Variants in LGALS9 observed in about 807,000 individuals in gnomAD.
The protein encoded by LGALS9 is galectin 9.
In LGALS9, 26 loss-of-function variants were observed where a neutral mutation model predicts 35.9. The observed-to-expected ratio is 0.72, with a 90% CI of 0.53 to 1.01. The LOEUF (loss-of-function observed/expected upper bound fraction) is 1.01, where lower values mean the gene tolerates loss of function less well. LGALS9 is among the 50% of genes least tolerant of loss of function. LGALS9 has a pLI of 0.00. For missense variants in LGALS9, 347 were observed against 445.8 expected, an observed-to-expected ratio of 0.78 and a Z score of 1.99; for synonymous variants, 149 against 172.2, an observed-to-expected ratio of 0.87 and a Z score of 1.06.
At chr17:27,646,722 A>C (rs1241207227) in intron 8 of LGALS9, 134 bp downstream of exon 8, 2 of 1,442,512 alleles carry the variant, frequency 1.4e-6, no homozygotes, top group Non-Finnish European at 1.9e-6. Context: ...GCTTCAAAGC[A>C]TCCCAGCGAA....
rs1567919598 is a variant in LGALS9, at chr17:27,647,036, C to A, written c.676C>A (p.Pro226Thr). ...MMYPHPAYPMPFITTILGGLY... is the reference protein window; with the variant it reads ...MMYPHPAYPMTFITTILGGLY... ...GTCCCCCTTCTTCCGACAGCCGATG[C>A]CTTTCATCACCACCATTCTGGGAGG... The change falls in exon 9 of 11, where the codon CCT becomes ACT. Residue 226 changes from proline (P) to threonine (T), a missense_variant. Coordinates refer to ENST00000395473, the MANE Select transcript of LGALS9 (RefSeq NM_009587.3). 3.7e-6 allele frequency: 6 copies of A among 1,614,046 alleles called. No homozygotes were observed. The highest frequency in any genetic ancestry group is 4.2e-6 in the Non-Finnish European group (5 of 1,179,922).
chr17:27,643,498 A>G (rs769119046), intron 4 of LGALS9, 27 bp from the exon 5 acceptor site: 13 of 1,610,756 alleles, frequency 8.1e-6, no homozygotes, highest in Non-Finnish European at 1.0e-5. Context: ...GCTTCTCCTC[A>G]CTGCCCGGTG....
At chr17:27,642,974 G>A (rs1904635321) in intron 4 of LGALS9, among the ~76,000 whole-genome samples, 1 of 152,154 alleles carries the variant, frequency 6.6e-6, no homozygotes, top group South Asian at 2.1e-4. Flanking sequence ...AGGCTGAGGT[G>A]GGAGAATTGC....
At chr17:27,638,990 G>A (rs1411134927) in intron 2 of LGALS9, among the ~76,000 whole-genome samples, 1 of 152,164 alleles carries the variant, frequency 6.6e-6, no homozygotes, top group Non-Finnish European at 1.5e-5. Context: ...ACAGAGGTGT[G>A]CAGCTCTCTC....
At chr17:27,642,121 C>G in intron 3 of LGALS9, 117 bp from the exon 4 acceptor site, 1 of 1,510,014 alleles carries the variant, frequency 6.6e-7, no homozygotes, top group Non-Finnish European at 8.9e-7. Context: ...GTAACTGGCC[C>G]CACACTGAAG....
chr17:27,631,570 C>T (rs2074393239), intron 1 of LGALS9, among the ~76,000 whole-genome samples: 1 of 152,108 alleles, frequency 6.6e-6, no homozygotes, highest in Non-Finnish European at 1.5e-5. Flanking sequence ...CCTGTGTGCT[C>T]AGGGGAAGAC....
In LGALS9 at chr17:27,642,655, C is replaced by A. The variant is rs1011401761; in HGVS notation, c.444+307C>A. Reference sequence around the variant, plus strand: ...TATTGTTCTAGAAAGAGCCCAGGCTCAAGAACCAAACTGAATCCAGTTCAA... The same window carrying A: ...TATTGTTCTAGAAAGAGCCCAGGCTAAAGAACCAAACTGAATCCAGTTCAA... On this transcript the variant is annotated intron_variant, in intron 4 of 10. Transcript: ENST00000395473. Among the ~76,000 whole-genome samples the A allele has an allele frequency of 4.7e-4, 72 of 151,726 alleles. 2 individuals carry two copies. The highest frequency in any genetic ancestry group is 1.7e-3 in the African/African-American group (68 of 40,992).
intron 1 of LGALS9, among the ~76,000 whole-genome samples, chr17:27,631,639 A>G (rs2074394011): frequency 6.6e-6 from 1 of 152,096 alleles, no homozygotes; most frequent in South Asian, 2.1e-4. Context: ...GACAGTAAGG[A>G]CGCTACCCGG....
At chr17:27,639,864 G>A (rs962233995) in intron 2 of LGALS9, among the ~76,000 whole-genome samples, 5 of 152,158 alleles carry the variant, frequency 3.3e-5, no homozygotes, top group South Asian at 2.1e-4. Context: ...AGCCTCCTGA[G>A]TAGCTGGGAC....
chr17:27,642,646 G>C (rs912456634), intron 4 of LGALS9, among the ~76,000 whole-genome samples: 1 of 151,950 alleles, frequency 6.6e-6, no homozygotes, highest in Non-Finnish European at 1.5e-5. Context: ...TCTAGAAAGA[G>C]CCCAGGCTCA....
At chr17:27,632,886 G>A (rs1015345560) in intron 1 of LGALS9, among the ~76,000 whole-genome samples, 5 of 152,326 alleles carry the variant, frequency 3.3e-5, no homozygotes, top group East Asian at 1.9e-4. Flanking sequence ...TCGGAGCCAC[G>A]CTTCCTCCAC....
At chr17:27,635,046 T>C (rs2074431299) in intron 1 of LGALS9, among the ~76,000 whole-genome samples, 1 of 152,220 alleles carries the variant, frequency 6.6e-6, no homozygotes, top group African/African-American at 2.4e-5. Context: ...TTATTTCACC[T>C]TTTTCCTGTC....
chr17:27,642,988 AG>A (rs1254546389), intron 4 of LGALS9, among the ~76,000 whole-genome samples: 2 of 152,240 alleles, frequency 1.3e-5, no homozygotes, highest in Non-Finnish European at 2.9e-5. Context: ...GAATTGCTTG[AG>A]CCCAGGAATT....
rs1904899218 is a variant in LGALS9 at position 27,645,868 on chromosome 17, C to G, written c.584C>G (p.Thr195Arg). 11 of 1,603,486 alleles carry G rather than the reference C, an allele frequency of 6.9e-6. No homozygotes were observed. The highest frequency in any genetic ancestry group is 8.5e-6 in the Non-Finnish European group (10 of 1,173,300). ...CTGGTTTCTTTCTTCCAGACCCAGA[C>G]AGTCATCCACACAGTGCAGAGCGCC... The part of the protein sequence containing the change: ...WPANPAPITQ[T>R]VIHTVQSAPG... Residue 195 changes from threonine (T) to arginine (R), a missense_variant, in exon 7 of 11, where the codon ACA becomes AGA. By Grantham distance (71) the Thr-to-Arg change is moderately conservative (BLOSUM62 -1). Coordinates refer to ENST00000395473, the MANE Select transcript of LGALS9 (RefSeq NM_009587.3).
chr17:27,640,931 T>G, intron 3 of LGALS9, 158 bp downstream of exon 3: 3 of 1,145,510 alleles, frequency 2.6e-6, no homozygotes, highest in Non-Finnish European at 3.9e-6. Context: ...CATGGCTGCC[T>G]AGTCTCCTTA....
In LGALS9 at chr17:27,645,544, G is replaced by A. The variant is rs927705598; in HGVS notation, c.576+195G>A. On this transcript the variant is annotated intron_variant, in intron 6 of 10. Coordinates refer to ENST00000395473, the MANE Select transcript of LGALS9 (RefSeq NM_009587.3). ...ATGAAACAACCTGAGTTGCCACCCC[G>A]TGGGCAGCCACGGAAGACCATGCCC... 26 of 862,130 alleles carry A rather than the reference G, an allele frequency of 3.0e-5. 1 individual carries two copies. Among genetic ancestry groups the A allele is most frequent in the Middle Eastern group, 3.6e-4 (1 of 2,760 alleles). 53.4% of individuals were successfully genotyped at this position (862,130 alleles called of 1,614,324 possible). A position where few individuals can be genotyped will look rare whatever the true frequency, so the allele number is the denominator to read the frequency against.
At chr17:27,631,361 G>A in intron 1 of LGALS9, 57 bp downstream of exon 1, 1 of 1,610,466 alleles carries the variant, frequency 6.2e-7, no homozygotes, top group East Asian at 2.2e-5. Context: ...ACAGCTCTGG[G>A]GCTCTGAGGA....
intron 10 of LGALS9, 73 bp from the exon 11 acceptor site, chr17:27,648,763 G>C: frequency 6.4e-7 from 1 of 1,571,978 alleles, no homozygotes. Context: ...GGGTGGGAGG[G>C]AGGGAGAGAG....
At chr17:27,632,920 C>T (rs931787760) in intron 1 of LGALS9, among the ~76,000 whole-genome samples, 2 of 152,190 alleles carry the variant, frequency 1.3e-5, no homozygotes, top group African/African-American at 2.4e-5. Flanking sequence ...GGGAAGGTCA[C>T]GCGGTTCGCT....
Sources: gnomAD v4.1 joint callset for allele counts (sites outside exome capture counted in the v4.1 genomes callset) on GRCh38, gnomAD v4.1.1 for gene constraint, MANE v1.5 for transcripts, NCBI Gene and HGNC (gene_info 2026-07-23, HGNC 2026-07-21) for gene names.